The following DET1 variants were observed in gnomAD, a reference collection of about 807,000 sequenced individuals.
The protein encoded by DET1 is DET1 partner of COP1 E3 ubiquitin ligase, also known as DET1 homolog.
In DET1, 22 loss-of-function variants were observed where a neutral mutation model predicts 43.7. That is an observed-to-expected ratio of 0.50 (90% CI 0.36 to 0.72). The LOEUF (loss-of-function observed/expected upper bound fraction) is 0.72, where lower values mean the gene tolerates loss of function less well. DET1 is among the 30% of genes least tolerant of loss of function. DET1 has a pLI of 0.00. For missense variants in DET1, 713 were observed against 713.3 expected, an observed-to-expected ratio of 1.00 and a Z score of 0.00; for synonymous variants, 315 against 266.2, an observed-to-expected ratio of 1.18 and a Z score of -1.79.
At chr15:88,521,544 A>G (rs1026198808) in intron 3 of DET1, among the ~76,000 whole-genome samples, 5 of 152,048 alleles carry the variant, frequency 3.3e-5, no homozygotes, top group African/African-American at 1.2e-4. Flanking sequence ...CCTACATACC[A>G]TTCTTTTGTG....
rs1598350693 is a variant in DET1 at position 88,540,879 on chromosome 15, A to C, written c.-11+5661T>G. On this transcript the variant is annotated intron_variant, in intron 1 of 4. Transcript: ENST00000268148. Reference sequence around the variant, plus strand: ...GCAGGGACCTCTGCCTAGGAAAGCCAGGTATTGTCCAAGGTTTCTCCCCAT... The same window carrying C: ...GCAGGGACCTCTGCCTAGGAAAGCCCGGTATTGTCCAAGGTTTCTCCCCAT... 6.5e-5 allele frequency among the ~76,000 whole-genome samples: 7 copies of C among 107,840 alleles called. No individual in the cohort carries two copies. In the South Asian group the frequency reaches 2.6e-3, roughly 40 times the overall value. 70.7% of individuals were successfully genotyped at this position (107,840 alleles called of 152,430 possible).
At chr15:88,544,958 C>T (rs191020861) in intron 1 of DET1, among the ~76,000 whole-genome samples, 2 of 152,048 alleles carry the variant, frequency 1.3e-5, no homozygotes, top group Non-Finnish European at 2.9e-5. Flanking sequence ...GCTCTGGGAG[C>T]CAAACTGGAT....
In DET1 at chr15:88,516,569, T is replaced by A. The variant is rs1691564079; in HGVS notation, c.1463+213A>T. ...GAGGACAACACTTATCTGAATTAGA[T>A]GTTCTGATGAGAAGCAAAGAGTAGG... On this transcript the variant is annotated intron_variant, in intron 4 of 4. Transcript: ENST00000268148. The surrounding 1 kb of genome is among the most constrained non-coding windows in gnomAD (Gnocchi z 4.4). Among the ~76,000 whole-genome samples, 1 of 152,248 alleles carries A rather than the reference T, an allele frequency of 6.6e-6. No homozygotes were observed. Among genetic ancestry groups the A allele is most frequent in the African/African-American group, 2.4e-5 (1 of 41,460 alleles).
Position 88,538,727 on chromosome 15 carries a change from G to T in DET1, c.-10-7012C>A, listed in dbSNP as rs141881633. Among the ~76,000 whole-genome samples the T allele has an allele frequency of 1.1e-4, 17 of 152,288 alleles. No homozygotes were observed. The East Asian group carries it at 3.3e-3, about 29-fold the overall frequency. On this transcript the variant is annotated intron_variant, in intron 1 of 4. Transcript: ENST00000268148. ...CCCCCGGAAGGACGGCCGGCTCAGA[G>T]GGGGTTACCACCTGAGGAAAGAATT... is the stretch of plus-strand genomic sequence containing the variant.
At chr15:88,507,551 T>C (rs1421291738), downstream of DET1, among the ~76,000 whole-genome samples, 3 of 152,338 alleles carry the variant, frequency 2.0e-5, no homozygotes, top group South Asian at 4.1e-4. Flanking sequence ...GATAGTCCCA[T>C]ACTCTTTGCT....
At chr15:88,528,911 T>G (rs1387076266) in intron 2 of DET1, among the ~76,000 whole-genome samples, 14 of 152,232 alleles carry the variant, frequency 9.2e-5, no homozygotes, top group Admixed American at 9.2e-4. Flanking sequence ...AACCTGAGAA[T>G]AGTACTCATA....
Position 88,541,894 on chromosome 15 carries a change from T to G in DET1, c.-11+4646A>C, listed in dbSNP as rs562151358. On this transcript the variant is annotated intron_variant, in intron 1 of 4. Coordinates refer to ENST00000268148, the MANE Select transcript of DET1 (RefSeq NM_001144074.3). Reference sequence around the variant, plus strand: ...TGTCTCTTCGAGGAGACGTCCCCTGTGGGCTCACCGCCCAATTGCCTCCCG... The same window carrying G: ...TGTCTCTTCGAGGAGACGTCCCCTGGGGGCTCACCGCCCAATTGCCTCCCG... Among the ~76,000 whole-genome samples, 5 of 152,286 alleles carry G rather than the reference T, an allele frequency of 3.3e-5. No individual in the cohort carries two copies. In the South Asian group the frequency reaches 1.0e-3, roughly 32 times the overall value.
At chr15:88,545,503 A>T (rs2057228289) in intron 1 of DET1, among the ~76,000 whole-genome samples, 1 of 152,210 alleles carries the variant, frequency 6.6e-6, no homozygotes, top group Non-Finnish European at 1.5e-5. Flanking sequence ...GTATCAAAAC[A>T]TGTTCCACTG....
At chr15:88,513,941 AG>A (rs2056271356) in intron 4 of DET1, among the ~76,000 whole-genome samples, 1 of 149,434 alleles carries the variant, frequency 6.7e-6, no homozygotes. Flanking sequence ...CTGGGACTAC[AG>A]GCGCCCGCTA....
intron 1 of DET1, among the ~76,000 whole-genome samples, chr15:88,539,412 C>T (rs1276168540): frequency 7.3e-6 from 1 of 136,142 alleles, no homozygotes; most frequent in Non-Finnish European, 1.5e-5. Flanking sequence ...GGGCATCTGA[C>T]TGATCCCATC....
intron 1 of DET1, among the ~76,000 whole-genome samples, chr15:88,538,130 C>T (rs551004444): frequency 5.3e-5 from 8 of 152,156 alleles, no homozygotes; most frequent in Non-Finnish European, 7.4e-5. Flanking sequence ...TGAATTGGGA[C>T]ACTTGTAATG....
chr15:88,522,262 A>T (rs563817236), intron 3 of DET1, among the ~76,000 whole-genome samples: 20 of 152,300 alleles, frequency 1.3e-4, no homozygotes, highest in African/African-American at 4.6e-4. Flanking sequence ...TGGTCCTGCC[A>T]ATCTAAAAAT....
intron 2 of DET1, among the ~76,000 whole-genome samples, chr15:88,528,071 C>T (rs1229523834): frequency 1.3e-5 from 2 of 152,174 alleles, no homozygotes. Flanking sequence ...CTGAGATGGC[C>T]AGCATATAAG....
intron 3 of DET1, among the ~76,000 whole-genome samples, chr15:88,519,464 C>A (rs1260932582): frequency 2.0e-5 from 3 of 152,120 alleles, no homozygotes; most frequent in Non-Finnish European, 4.4e-5. Context: ...TCTCTAGTCA[C>A]AGGGTAGACC....
intron 3 of DET1, among the ~76,000 whole-genome samples, chr15:88,524,172 C>G (rs1044210042): frequency 5.3e-5 from 8 of 152,016 alleles, no homozygotes; most frequent in Non-Finnish European, 1.0e-4. Flanking sequence ...GCCGCGACCC[C>G]GTCTGGGAAC....
At chr15:88,522,512 G>GTTTTTTTTTGTTTTTTTTTTTTTTTT (rs2056520571) in intron 3 of DET1, among the ~76,000 whole-genome samples, 2 of 80,258 alleles carry the variant, frequency 2.5e-5, no homozygotes, top group Non-Finnish European at 4.6e-5. Context: ...AATGTTCCTG[G>GTTTTTTTTTGTTTTTTTTTTTTTTTT]TTTTTTTTTT....
intron 1 of DET1, among the ~76,000 whole-genome samples, chr15:88,542,639 G>C (rs182451208): frequency 6.6e-6 from 1 of 152,098 alleles, no homozygotes; most frequent in Non-Finnish European, 1.5e-5. Context: ...TTTGACAATC[G>C]AGAGTATGAA....
chr15:88,509,692 C>T (rs1449676526), downstream of DET1, among the ~76,000 whole-genome samples: 1 of 152,176 alleles, frequency 6.6e-6, no homozygotes, highest in Non-Finnish European at 1.5e-5. Context: ...GCTAGTGGTC[C>T]ACCAAAACTC....
chr15:88,515,321 C>A (rs1018989393), intron 4 of DET1, among the ~76,000 whole-genome samples: 1 of 151,888 alleles, frequency 6.6e-6, no homozygotes, highest in Non-Finnish European at 1.5e-5. Context: ...GGGTGGATCA[C>A]CTGAGGTCAA....
Sources: gnomAD v4.1 joint callset for allele counts (sites outside exome capture counted in the v4.1 genomes callset) on GRCh38, gnomAD v4.1.1 for gene constraint, Gnocchi (gnomAD v3.1) non-coding constraint, MANE v1.5 for transcripts, NCBI Gene and HGNC (gene_info 2026-07-23, HGNC 2026-07-21) for gene names.